Variants in BACH2 observed in about 807,000 individuals in gnomAD.
The protein encoded by BACH2 is transcription regulator protein BACH2.
A neutral mutation model predicts 61.8 loss-of-function variants in BACH2; 5 were observed. The ratio of observed to expected loss-of-function variants is 0.08; its 90% CI spans 0.04 to 0.17. BACH2 has a LOEUF of 0.17. Among genes scored for constraint, BACH2 ranks in the 10% least tolerant of loss-of-function variants. The pLI is 1.00. For missense variants in BACH2, 824 were observed against 1,091.1 expected (o/e 0.76, Z 3.45); for synonymous variants, 446 against 440.1 (o/e 1.01, Z -0.17).
At chr6:90,126,540 G>C (rs1195724876) in intron 4 of BACH2, among the ~76,000 whole-genome samples, 1 of 152,192 alleles carries the variant, frequency 6.6e-6, no homozygotes, top group Non-Finnish European at 1.5e-5. Context: ...CATGAACATA[G>C]AGCTACATGA....
chr6:90,116,858 A>G (rs1239625824), intron 4 of BACH2: 5 of 622,118 alleles, frequency 8.0e-6, no homozygotes, highest in Middle Eastern at 3.3e-4. Context: ...GCACGCTTTG[A>G]TATTTGATAG....
chr6:90,276,183 AATGTT>A (rs547086403), intron 1 of BACH2, among the ~76,000 whole-genome samples: 11 of 152,334 alleles, frequency 7.2e-5, no homozygotes, highest in African/African-American at 2.6e-4. Flanking sequence ...GTTCTAAATT[AATGTT>A]ATATTTCCTA....
chr6:89,942,672 C>T (rs567002479), intron 7 of BACH2, among the ~76,000 whole-genome samples: 1 of 152,132 alleles, frequency 6.6e-6, no homozygotes, highest in Non-Finnish European at 1.5e-5. Flanking sequence ...AGGGGAAGGG[C>T]ACGAGGGATT....
intron 6 of BACH2, among the ~76,000 whole-genome samples, chr6:89,968,234 C>T (rs907940527): frequency 3.3e-5 from 5 of 152,222 alleles, no homozygotes; most frequent in African/African-American, 7.2e-5. Flanking sequence ...ACTGGACCCT[C>T]CCTTCTATGA....
intron 1 of BACH2, among the ~76,000 whole-genome samples, chr6:90,283,061 C>T (rs764792470): frequency 5.9e-5 from 9 of 152,192 alleles, no homozygotes; most frequent in Non-Finnish European, 1.3e-4. Flanking sequence ...AGTGTGTAAT[C>T]ATATGTTACT....
rs181993046 is a variant in BACH2 at position 90,090,846 on chromosome 6, G to T, written c.-161-1737C>A. ...GCCTTGTATTTTCCTTCCTTCTGGGGTTTTCCTATTTCTTGGACATTTTGC... is the reference window on the plus strand; with the variant it reads ...GCCTTGTATTTTCCTTCCTTCTGGGTTTTTCCTATTTCTTGGACATTTTGC... On this transcript the variant is annotated intron_variant, in intron 4 of 8. Transcript: ENST00000257749. Among the ~76,000 whole-genome samples the T allele has an allele frequency of 2.4e-3, 368 of 152,214 alleles. 2 individuals carry two copies. The highest frequency in any genetic ancestry group is 8.4e-3 in the African/African-American group (351 of 41,544).
In BACH2 at chr6:89,971,109, AT is replaced by A. The variant is rs1039310055; in HGVS notation, c.244-19248del. ...TGAACTGCCAAATCTGTCAGCAATT[AT>A]TAACACTCCACAGCTAGCTGCCTTC... On this transcript the variant is annotated intron_variant, in intron 6 of 8. Transcript: ENST00000257749. Among the ~76,000 whole-genome samples, 10 of 152,364 alleles carry A rather than the reference AT, an allele frequency of 6.6e-5. No homozygotes were observed. The South Asian group carries it at 1.7e-3, about 25-fold the overall frequency.
chr6:90,144,966 G>A (rs1784570753), intron 4 of BACH2, among the ~76,000 whole-genome samples: 1 of 152,082 alleles, frequency 6.6e-6, no homozygotes, highest in East Asian at 1.9e-4. Flanking sequence ...CCTTGTAGAC[G>A]AAATCACTAA....
intron 8 of BACH2, among the ~76,000 whole-genome samples, chr6:89,934,570 A>C (rs1341577444): frequency 2.0e-5 from 3 of 152,050 alleles, no homozygotes; most frequent in Non-Finnish European, 2.9e-5. Context: ...GGGACATGAG[A>C]ATTGCTTGAA....
chr6:89,953,217 A>G (rs1445058147), intron 6 of BACH2: 2 of 151,870 alleles, frequency 1.3e-5, no homozygotes, highest in Admixed American at 6.6e-5. Context: ...CTGGACATTC[A>G]CTCCTTTGGG....
chr6:90,228,496 C>T (rs1424671934), intron 3 of BACH2, among the ~76,000 whole-genome samples: 1 of 152,234 alleles, frequency 6.6e-6, no homozygotes, highest in Non-Finnish European at 1.5e-5. Flanking sequence ...AATCCCAGCA[C>T]TTTTTGGGAG....
chr6:90,148,007 A>G (rs1338353617), intron 4 of BACH2, among the ~76,000 whole-genome samples: 1 of 152,232 alleles, frequency 6.6e-6, no homozygotes, highest in Non-Finnish European at 1.5e-5. Flanking sequence ...AGAAAGACAC[A>G]CAGATGAAAT....
chr6:90,217,283 G>A (rs1002401109), intron 3 of BACH2, among the ~76,000 whole-genome samples: 1 of 152,112 alleles, frequency 6.6e-6, no homozygotes, highest in African/African-American at 2.4e-5. Context: ...GAGTTTATAC[G>A]TGAAGTTCTA....
chr6:89,988,113 T>C (rs1464518352), intron 6 of BACH2, among the ~76,000 whole-genome samples: 1 of 152,194 alleles, frequency 6.6e-6, no homozygotes, highest in Non-Finnish European at 1.5e-5. Flanking sequence ...TAGGATGAAA[T>C]AGAAGGCAGT....
At position 89,932,108 on chromosome 6, in the gene BACH2, T is replaced by C. The variant is rs1480113993; in HGVS notation, c.*300A>G. 3 of 249,490 alleles carry C rather than the reference T, an allele frequency of 1.2e-5. No individual in the cohort carries two copies. Among genetic ancestry groups the C allele is most frequent in the Non-Finnish European group, 1.5e-5 (2 of 129,348 alleles). The allele number at this position is 249,490 out of a possible 1,614,324, so 15.5% of individuals were successfully genotyped here. On this transcript the variant is annotated 3_prime_UTR_variant, in exon 9 of 9. Coordinates refer to ENST00000257749, the MANE Select transcript of BACH2 (RefSeq NM_021813.4). ...GGCCACTGAGAAAAAAAATCCGTGG[T>C]TGGGGCCTAGAGGTGTTGTAGTCTA...
intron 6 of BACH2, among the ~76,000 whole-genome samples, chr6:89,954,054 A>C (rs2128357581): frequency 6.7e-6 from 1 of 148,522 alleles, no homozygotes; most frequent in Admixed American, 6.6e-5. Context: ...AGGTAACTGA[A>C]GAAGATGACA....
chr6:90,100,736 C>CACACACAG (rs1782591263), intron 4 of BACH2, among the ~76,000 whole-genome samples: 2 of 151,538 alleles, frequency 1.3e-5, no homozygotes, highest in African/African-American at 2.4e-5. Context: ...CAGACACACA[C>CACACACAG]ACACACACAC....
At chr6:89,971,043 A>AT (rs1775332295) in intron 6 of BACH2, among the ~76,000 whole-genome samples, 1 of 152,218 alleles carries the variant, frequency 6.6e-6, no homozygotes, top group Admixed American at 6.5e-5. Flanking sequence ...AATAAAGGCT[A>AT]TTTTATTTAT....
chr6:90,086,038 T>C (rs1298745923), intron 5 of BACH2, among the ~76,000 whole-genome samples: 2 of 152,194 alleles, frequency 1.3e-5, no homozygotes, highest in African/African-American at 4.8e-5. Flanking sequence ...TCTGACTCTG[T>C]AAATCTGACA....
Sources: gnomAD v4.1 joint callset for allele counts (sites outside exome capture counted in the v4.1 genomes callset) on GRCh38, gnomAD v4.1.1 for gene constraint, MANE v1.5 for transcripts, NCBI Gene and HGNC (gene_info 2026-07-23, HGNC 2026-07-21) for gene names.